Variants in KCNH1 observed in about 807,000 individuals in gnomAD.
KCNH1 encodes the protein potassium voltage-gated channel subfamily H member 1, also known as voltage-gated delayed rectifier potassium channel KCNH1.
In KCNH1, 27 loss-of-function variants were observed where a neutral mutation model predicts 69.2. The ratio of observed to expected loss-of-function variants is 0.39; its 90% CI spans 0.29 to 0.54. The LOEUF (loss-of-function observed/expected upper bound fraction) is 0.54, where lower values mean the gene tolerates loss of function less well. Ranked by LOEUF, KCNH1 falls within the 20% of genes least tolerant of loss-of-function variation. KCNH1 has a pLI of 0.68. For missense variants in KCNH1, 798 were observed against 1,261.6 expected, an observed-to-expected ratio of 0.63 and a Z score of 5.57; for synonymous variants, 456 against 487.7, an observed-to-expected ratio of 0.93 and a Z score of 0.86.
At chr1:210,822,118 TGTG>T (rs1684941851) in intron 7 of KCNH1, among the ~76,000 whole-genome samples, 1 of 151,820 alleles carries the variant, frequency 6.6e-6, no homozygotes, top group South Asian at 2.1e-4. Flanking sequence ...GACAAAGAGA[TGTG>T]GTATGGTCAG....
chr1:210,771,611 C>T (rs555710236), intron 10 of KCNH1, among the ~76,000 whole-genome samples: 2 of 149,460 alleles, frequency 1.3e-5, no homozygotes, highest in South Asian at 2.1e-4. Flanking sequence ...GTATCAATCA[C>T]GTGGACAGAA....
chr1:211,127,789 T>G (rs1691808080), intron 1 of KCNH1, among the ~76,000 whole-genome samples: 1 of 152,104 alleles, frequency 6.6e-6, no homozygotes, highest in African/African-American at 2.4e-5. Context: ...TATAAAACCT[T>G]TGGAAAACTG....
chr1:210,911,533 T>C (rs974008513), intron 7 of KCNH1, among the ~76,000 whole-genome samples: 9 of 150,498 alleles, frequency 6.0e-5, no homozygotes, highest in African/African-American at 2.2e-4. Context: ...AATGTGCACA[T>C]GTACCCTAAA....
chr1:210,922,473 C>T (rs1475289653), intron 6 of KCNH1, among the ~76,000 whole-genome samples: 1 of 149,492 alleles, frequency 6.7e-6, no homozygotes, highest in Non-Finnish European at 1.5e-5. Flanking sequence ...AATTTCTTGT[C>T]CAATATATAC....
At chr1:210,865,519 GA>G (rs373058938) in intron 7 of KCNH1, among the ~76,000 whole-genome samples, 20 of 146,240 alleles carry the variant, frequency 1.4e-4, no homozygotes, top group East Asian at 4.0e-4. Flanking sequence ...AGGTAGCAAA[GA>G]AAAAAAAAAG....
intron 5 of KCNH1, among the ~76,000 whole-genome samples, chr1:211,051,298 G>A (rs1190364067): frequency 6.6e-6 from 1 of 152,122 alleles, no homozygotes; most frequent in African/African-American, 2.4e-5. Flanking sequence ...ATGCCTGGCT[G>A]AGAGACACTA....
chr1:210,978,082 A>C (rs1051148207), intron 6 of KCNH1, among the ~76,000 whole-genome samples: 3 of 148,024 alleles, frequency 2.0e-5, no homozygotes, highest in Admixed American at 1.4e-4. Flanking sequence ...CTCTGTGCCT[A>C]GGCTGGAGTA....
intron 10 of KCNH1, among the ~76,000 whole-genome samples, chr1:210,726,284 A>G (rs1682588834): frequency 6.6e-6 from 1 of 152,128 alleles, no homozygotes; most frequent in Non-Finnish European, 1.5e-5. Flanking sequence ...GTGCAATAAC[A>G]CCATAAGCAA....
At chr1:210,881,077 G>A (rs993006506) in intron 7 of KCNH1, among the ~76,000 whole-genome samples, 7 of 151,494 alleles carry the variant, frequency 4.6e-5, no homozygotes, top group African/African-American at 7.3e-5. Context: ...GAGTGCAGTG[G>A]CGCAATCTCA....
At chr1:210,956,732 T>C (rs1688184665) in intron 6 of KCNH1, among the ~76,000 whole-genome samples, 1 of 152,136 alleles carries the variant, frequency 6.6e-6, no homozygotes, top group Admixed American at 6.5e-5. Context: ...TGATGGTAGT[T>C]TGTATTTCTG....
chr1:210,702,485 CTA>C (rs1180559911), intron 10 of KCNH1, among the ~76,000 whole-genome samples: 1 of 152,042 alleles, frequency 6.6e-6, no homozygotes, highest in African/African-American at 2.4e-5. Flanking sequence ...AAATTTTCTG[CTA>C]TCTTATTTTT....
chr1:210,737,508 C>A (rs988653287), intron 10 of KCNH1, among the ~76,000 whole-genome samples: 3 of 152,170 alleles, frequency 2.0e-5, no homozygotes, highest in Non-Finnish European at 2.9e-5. Context: ...GTATTCATTT[C>A]TCAGATCATC....
chr1:210,919,369 G>A lies in KCNH1; in HGVS notation c.1462+271C>T, dbSNP rs1013618490. The A allele has an allele frequency of 7.6e-6, 3 of 395,184 alleles. No individual in the cohort carries two copies. Among genetic ancestry groups the A allele is most frequent in the Non-Finnish European group, 1.4e-5 (3 of 219,140 alleles). 24.5% of individuals were successfully genotyped at this position (395,184 alleles called of 1,614,324 possible). On this transcript the variant is annotated intron_variant, in intron 7 of 10. Coordinates refer to ENST00000271751, the MANE Select transcript of KCNH1 (RefSeq NM_172362.3). This position sits in a 1 kb window ranked among gnomAD's most constrained non-coding sequence, Gnocchi z 4.2. ...GATATGCAAAGAAAATAGTCTGTAA[G>A]AGAAGACACCAACAGTATTAGTAGT...
chr1:211,055,961 T>G (rs1026352605), intron 5 of KCNH1, among the ~76,000 whole-genome samples: 12 of 152,222 alleles, frequency 7.9e-5, no homozygotes, highest in African/African-American at 2.9e-4. Context: ...AGAGCCATGC[T>G]GGCTTCAGGT....
intron 7 of KCNH1, among the ~76,000 whole-genome samples, chr1:210,806,432 T>C (rs1471776783): frequency 6.6e-6 from 1 of 152,116 alleles, no homozygotes; most frequent in Admixed American, 6.6e-5. Flanking sequence ...AACCCTTTTA[T>C]ATAATCTGGA....
Position 211,066,255 on chromosome 1 carries a change from C to A in KCNH1, c.558+16525G>T, listed in dbSNP as rs151271923. 1.2e-3 allele frequency among the ~76,000 whole-genome samples: 184 copies of A among 152,044 alleles called. 1 individual carries two copies. Among genetic ancestry groups the A allele is most frequent in the African/African-American group, 4.2e-3 (175 of 41,472 alleles). On this transcript the variant is annotated intron_variant, in intron 5 of 10. Coordinates refer to ENST00000271751, the MANE Select transcript of KCNH1 (RefSeq NM_172362.3). Reference sequence around the variant, plus strand: ...AGCTTCTAGAAAGTGATATAAAGAGCCAAACGTCAAAATCTAATATTAAAC... The same window carrying A: ...AGCTTCTAGAAAGTGATATAAAGAGACAAACGTCAAAATCTAATATTAAAC...
At chr1:210,845,462 A>G (rs1441280208) in intron 7 of KCNH1, among the ~76,000 whole-genome samples, 980 of 126,478 alleles carry the variant, frequency 7.7e-3, no homozygotes, top group South Asian at 0.013. Flanking sequence ...ATATAAACAG[A>G]ACCAAAGACA....
At chr1:210,841,653 G>A (rs1685413720) in intron 7 of KCNH1, among the ~76,000 whole-genome samples, 1 of 152,066 alleles carries the variant, frequency 6.6e-6, no homozygotes, top group South Asian at 2.1e-4. Context: ...GAATCTATAT[G>A]GGAATAATCA....
intron 3 of KCNH1, among the ~76,000 whole-genome samples, chr1:211,092,827 CTT>C (rs34391994): frequency 6.8e-6 from 1 of 145,996 alleles, no homozygotes. Flanking sequence ...CAAAAAAAAC[CTT>C]TTTTTTTTTG....
Sources: gnomAD v4.1 joint callset for allele counts (sites outside exome capture counted in the v4.1 genomes callset) on GRCh38, gnomAD v4.1.1 for gene constraint, Gnocchi (gnomAD v3.1) non-coding constraint, MANE v1.5 for transcripts, NCBI Gene and HGNC (gene_info 2026-07-23, HGNC 2026-07-21) for gene names.